The following EXOC3 variants were observed in gnomAD, a reference collection of about 807,000 sequenced individuals.
EXOC3 encodes the protein exocyst complex component 3.
EXOC3 carries 21 observed loss-of-function variants against 73.7 expected under a neutral mutation model. That is an observed-to-expected ratio of 0.29 (90% CI 0.20 to 0.41). The LOEUF is 0.41. Ranked by LOEUF, EXOC3 falls within the 10% of genes least tolerant of loss-of-function variation. The pLI is 1.00. For synonymous variants in EXOC3, 410 were observed against 389.1 expected, an observed-to-expected ratio of 1.05 and a Z score of -0.63; for missense variants, 842 against 985.1, an observed-to-expected ratio of 0.85 and a Z score of 1.95.
At chr5:466,530 CA>C in intron 12 of EXOC3, 196 bp from the exon 13 acceptor site, 1 of 558,470 alleles carries the variant, frequency 1.8e-6, no homozygotes, top group Non-Finnish European at 3.2e-6. Flanking sequence ...AATCTTTCTG[CA>C]ATTGGATTGA....
intron 2 of EXOC3, 67 bp from the exon 3 acceptor site, chr5:447,466 T>C: frequency 8.3e-7 from 1 of 1,198,804 alleles, no homozygotes; most frequent in Non-Finnish European, 1.2e-6. Flanking sequence ...CTGGGGAAGA[T>C]TTGTTCTTCA....
chr5:457,503 G>A, intron 5 of EXOC3: 1 of 226,520 alleles, frequency 4.4e-6, no homozygotes, highest in South Asian at 6.9e-5. Flanking sequence ...AGCTGGGGAA[G>A]GAGCGCTGTC....
intron 9 of EXOC3, 21 bp downstream of exon 9, chr5:462,328 C>T: frequency 1.9e-6 from 3 of 1,613,616 alleles, no homozygotes; most frequent in African/African-American, 1.3e-5. Context: ...CTCTTTCCTC[C>T]TGCCGTTTTC....
chr5:461,877 G>A (rs1737995896), intron 7 of EXOC3, 83 bp from the exon 8 acceptor site: 1 of 887,126 alleles, frequency 1.1e-6, no homozygotes, highest in African/African-American at 1.7e-5. Context: ...TGAAATTTCA[G>A]GCCAGGCGTG....
rs751278840 is a variant in EXOC3 at position 466,936 on chromosome 5, C to T, written c.*38C>T. On this transcript the variant is annotated 3_prime_UTR_variant, in exon 13 of 13. Transcript: ENST00000512944. The stretch of plus-strand genomic sequence containing the variant: ...TGCCCTGCTCGCCCCTCCACAGCCT[C>T]GGTCCCTGCCTTTAGAAACGCGGGA... 6.0e-5 allele frequency: 93 copies of T among 1,545,846 alleles called. No homozygotes were observed. The highest frequency in any genetic ancestry group is 9.5e-5 in the South Asian group (8 of 84,270).
intron 7 of EXOC3, among the ~76,000 whole-genome samples, chr5:460,374 A>T (rs1327836844): frequency 6.6e-6 from 1 of 152,136 alleles, no homozygotes; most frequent in East Asian, 1.9e-4. Flanking sequence ...GCAGGCTTGG[A>T]TCCCACTTAT....
chr5:457,309 T>G, intron 5 of EXOC3: 1 of 388,808 alleles, frequency 2.6e-6, no homozygotes, highest in Non-Finnish European at 4.7e-6. Context: ...CCTGCCAGGC[T>G]CTCGGCTCTG....
At chr5:466,095 G>A (rs1418702008) in intron 12 of EXOC3, 42 of 365,346 alleles carry the variant, frequency 1.1e-4, no homozygotes, top group African/African-American at 8.8e-4. Context: ...GGACAGTGGG[G>A]TGGGGGCGGG....
intron 3 of EXOC3, among the ~76,000 whole-genome samples, chr5:452,924 G>C (rs1273200796): frequency 6.6e-6 from 1 of 152,242 alleles, no homozygotes; most frequent in East Asian, 1.9e-4. Context: ...GGGGTGAGGA[G>C]GGACCTGTGA....
In EXOC3 at chr5:465,338, C is replaced by T. The variant is rs919205369; in HGVS notation, c.1938+66C>T. 4 of 1,515,162 alleles carry T rather than the reference C, an allele frequency of 2.6e-6. No homozygotes were observed. The African/African-American group carries it at 4.2e-5, about 16-fold the overall frequency. The allele number at this position is 1,515,162 out of a possible 1,614,324, so 93.9% of individuals were successfully genotyped here. On this transcript the variant is annotated intron_variant, in intron 11 of 12. Coordinates refer to ENST00000512944, the MANE Select transcript of EXOC3 (RefSeq NM_007277.5). ...TCCGCGGCCCTGTTCAGCCTCCACC[C>T]CGGGACTCGGGCCAGTAGATGGGAG...
chr5:452,692 T>C (rs1169745618), intron 3 of EXOC3, among the ~76,000 whole-genome samples: 3 of 152,250 alleles, frequency 2.0e-5, no homozygotes, highest in Non-Finnish European at 4.4e-5. Flanking sequence ...TGTTGTAGGC[T>C]CTCTGTGCCA....
At chr5:458,814 A>T (rs573425492) in intron 6 of EXOC3, among the ~76,000 whole-genome samples, 1 of 152,256 alleles carries the variant, frequency 6.6e-6, no homozygotes, top group South Asian at 2.1e-4. Context: ...GGCGGGTGAC[A>T]TTTCTCTCTG....
chr5:465,960 G>A, intron 12 of EXOC3, 115 bp downstream of exon 12: 1 of 1,193,910 alleles, frequency 8.4e-7, no homozygotes, highest in Non-Finnish European at 1.2e-6. Context: ...CCTGCAGCAC[G>A]GCAAGGGTTC....
rs549470417 is a variant in EXOC3 at position 460,346 on chromosome 5, G to A, written c.1391+887G>A. Among the ~76,000 whole-genome samples, 54 of 152,244 alleles carry A rather than the reference G, an allele frequency of 3.5e-4. 1 individual carries two copies. The South Asian group carries it at 4.6e-3, about 13-fold the overall frequency. On this transcript the variant is annotated intron_variant, in intron 7 of 12. Transcript: ENST00000512944. ...CCTCCTCAGTCTACTGTCAGCTCCC[G>A]AGCCAGATGCTGGCTCTGCAGGCTT...
At chr5:448,238 C>T (rs554989890) in intron 3 of EXOC3, among the ~76,000 whole-genome samples, 18 of 152,304 alleles carry the variant, frequency 1.2e-4, no homozygotes, top group South Asian at 2.1e-4. Flanking sequence ...CGGGGCTGAG[C>T]GCCGTGGGGG....
intron 1 of EXOC3, among the ~76,000 whole-genome samples, chr5:445,444 G>T (rs1452594311): frequency 1.3e-5 from 2 of 152,104 alleles, no homozygotes; most frequent in South Asian, 4.2e-4. Flanking sequence ...CCGCCTCCGG[G>T]GTTCACGCCA....
In EXOC3 at chr5:466,708, G is replaced by A; in HGVS notation, c.2067-19G>A. 1.2e-6 allele frequency: 2 copies of A among 1,604,780 alleles called. No homozygotes were observed. The highest frequency in any genetic ancestry group is 1.7e-6 in the Non-Finnish European group (2 of 1,174,434). Reference sequence around the variant, plus strand: ...CAGGGCTGCTAAGTGGGCATGGGCTGACATCTCCCCATCCCCAGGGATGAC... The same window carrying A: ...CAGGGCTGCTAAGTGGGCATGGGCTAACATCTCCCCATCCCCAGGGATGAC... On this transcript the variant is annotated intron_variant, in intron 12 of 12. Transcript: ENST00000512944.
chr5:443,870 G>A (rs1737424753), intron 1 of EXOC3, among the ~76,000 whole-genome samples: 1 of 150,650 alleles, frequency 6.6e-6, no homozygotes, highest in Non-Finnish European at 1.5e-5. Context: ...GGTGTCCCTC[G>A]TCGGAGCAGG....
rs1246006187 is a variant in EXOC3 at position 465,262 on chromosome 5, A to G, written c.1928A>G (p.Lys643Arg). 6.3e-7 allele frequency: 1 copy of G among 1,584,292 alleles called. No homozygotes were observed. The highest frequency in any genetic ancestry group is 1.8e-5 in the Admixed American group (1 of 55,452). ...EAEQLRFLFR[K>R]LASGFGEDVD... is the part of the protein sequence containing the mutation. Reference sequence around the variant, plus strand: ...GAGCAGCTGCGCTTCCTGTTCCGGAAGCTGGCGTCCGTGAGTGTCGCGCAG... The same window carrying G: ...GAGCAGCTGCGCTTCCTGTTCCGGAGGCTGGCGTCCGTGAGTGTCGCGCAG... Residue 643 changes from lysine to arginine, a missense_variant, in exon 11 of 13, where the codon AAG (lysine) becomes AGG (arginine). Physicochemically the swap from Lys to Arg is conservative, Grantham distance 26. Coordinates refer to ENST00000512944, the MANE Select transcript of EXOC3 (RefSeq NM_007277.5).
Sources: gnomAD v4.1 joint callset for allele counts (sites outside exome capture counted in the v4.1 genomes callset) on GRCh38, gnomAD v4.1.1 for gene constraint, MANE v1.5 for transcripts, NCBI Gene and HGNC (gene_info 2026-07-23, HGNC 2026-07-21) for gene names.